The following ZNF184 variants were observed in gnomAD, a reference collection of about 807,000 sequenced individuals.
ZNF184 encodes zinc finger protein 184 (Kruppel-like).
A neutral mutation model predicts 54.4 loss-of-function variants in ZNF184; 16 were observed. The observed-to-expected ratio is 0.29, with a 90% confidence interval of 0.20 to 0.45. ZNF184 has a LOEUF of 0.45. ZNF184 is among the 20% of genes least tolerant of loss of function. The pLI is 1.00. For missense variants in ZNF184, 681 were observed against 888.2 expected (o/e 0.77, Z 2.97); for synonymous variants, 254 against 295.3 (o/e 0.86, Z 1.43).
At chr6:27,437,367 C>T in the ZNF184 span, among the ~76,000 whole-genome samples, 48 of 152,136 alleles carry the variant, frequency 3.2e-4, no homozygotes, top group Non-Finnish European at 5.6e-4. Flanking sequence ...TGAAAGGGGC[C>T]TTTAGAGCTG....
intron 3 of ZNF184, among the ~76,000 whole-genome samples, chr6:27,465,412 G>C (rs1376362139): frequency 6.8e-6 from 1 of 147,140 alleles, no homozygotes; most frequent in Non-Finnish European, 1.5e-5. Flanking sequence ...ATGAACCTGG[G>C]AGGCGGAGCT....
At chr6:27,460,546 C>A (rs1762969807) in intron 3 of ZNF184, among the ~76,000 whole-genome samples, 1 of 152,200 alleles carries the variant, frequency 6.6e-6, no homozygotes, top group African/African-American at 2.4e-5. Flanking sequence ...GAGGCACTGT[C>A]CAGACTGCAG....
intron 5 of ZNF184, among the ~76,000 whole-genome samples, chr6:27,454,502 T>C (rs1455018947): frequency 6.6e-6 from 1 of 152,116 alleles, no homozygotes; most frequent in African/African-American, 2.4e-5. Context: ...CCAAGGAAGG[T>C]ATGTTTGCAA....
the ZNF184 span, among the ~76,000 whole-genome samples, chr6:27,422,454 G>A: frequency 6.6e-6 from 1 of 151,518 alleles, no homozygotes; most frequent in African/African-American, 2.4e-5. Context: ...TTATCTTTCT[G>A]TAATCCATAT....
chr6:27,451,874 T>C lies in ZNF184; in HGVS notation c.1685A>G (p.Glu562Gly). Residue 562 changes from glutamate to glycine, a missense_variant, in exon 6 of 6, where the codon GAA becomes GGA. By Grantham distance (98) the Glu-to-Gly change is moderately conservative (BLOSUM62 -2). Transcript: ENST00000683788. Reference sequence around the variant, plus strand: ...ACCATAACTGAAGGTTTTCCCACATTCATGACACTGATAGGGTTTCTCTCC... The same window carrying C: ...ACCATAACTGAAGGTTTTCCCACATCCATGACACTGATAGGGTTTCTCTCC... ...HTGEKPYQCH[E>G]CGKTFSYGSS... 1 of 1,612,628 alleles carries C rather than the reference T, an allele frequency of 6.2e-7. No homozygotes were observed. Among genetic ancestry groups the C allele is most frequent in the Non-Finnish European group, 8.5e-7 (1 of 1,180,000 alleles).
At chr6:27,457,672 T>TTCATCGTCATCATTACCA (rs1484431931) in intron 3 of ZNF184, among the ~76,000 whole-genome samples, 2 of 152,198 alleles carry the variant, frequency 1.3e-5, no homozygotes, top group Non-Finnish European at 1.5e-5. Context: ...GTTGTTGTCC[T>TTCATCGTCATCATTACCA]TCATCGTCAT....
At chr6:27,414,584 G>C in the ZNF184 span, among the ~76,000 whole-genome samples, 1 of 151,826 alleles carries the variant, frequency 6.6e-6, no homozygotes, top group African/African-American at 2.4e-5. Context: ...TGCTTGCAGG[G>C]CTTTTGCTCA....
At chr6:27,470,955 T>C (rs896295869) in intron 2 of ZNF184, among the ~76,000 whole-genome samples, 2 of 152,074 alleles carry the variant, frequency 1.3e-5, no homozygotes. Context: ...GTACAAAAAA[T>C]TGAAGAAAAG....
the ZNF184 span, among the ~76,000 whole-genome samples, chr6:27,438,130 T>C: frequency 6.6e-6 from 1 of 152,328 alleles, no homozygotes; most frequent in East Asian, 1.9e-4. Context: ...ATTAAAATGT[T>C]ACCTTTACTG....
At chr6:27,449,912 C>T (rs139804530), downstream of ZNF184, among the ~76,000 whole-genome samples, 1 of 151,976 alleles carries the variant, frequency 6.6e-6, no homozygotes, top group Non-Finnish European at 1.5e-5. Flanking sequence ...AAATAACTTC[C>T]TCCCTCTGCT....
rs376364494 is a variant in ZNF184 at position 27,451,772 on chromosome 6, T to C, written c.1787A>G (p.Asn596Ser). 1.2e-6 allele frequency: 2 copies of C among 1,614,054 alleles called. No homozygotes were observed. Among genetic ancestry groups the C allele is most frequent in the Non-Finnish European group, 1.7e-6 (2 of 1,179,986 alleles). The stretch of plus-strand genomic sequence containing the variant: ...ATGCTGTGTAAGGTGTATGTTCTGG[T>C]TGAATGCTCTCCCACACTCATTACA... ...YKCNECGRAF[N>S]QNIHLTQHKR... The change falls in exon 6 of 6, where the codon AAC becomes AGC. Residue 596 changes from asparagine (N) to serine (S), a missense_variant. By Grantham distance (46) the Asn-to-Ser change is conservative. Coordinates refer to ENST00000683788, the MANE Select transcript of ZNF184 (RefSeq NM_001318891.2).
chr6:27,438,381 C>T, the ZNF184 span, among the ~76,000 whole-genome samples: 1 of 152,208 alleles, frequency 6.6e-6, no homozygotes, highest in South Asian at 2.1e-4. Flanking sequence ...AAAGGAAATA[C>T]TGGATTTGTT....
the ZNF184 span, among the ~76,000 whole-genome samples, chr6:27,442,800 AAGAGAAAGAAAG>A: frequency 2.4e-3 from 131 of 54,224 alleles, 17 homozygotes; most frequent in Admixed American, 4.2e-3. Context: ...GAAAGAAAGA[AAGAGAAAGAAAG>A]AGAAAGAAAG....
At chr6:27,413,628 T>C in the ZNF184 span, among the ~76,000 whole-genome samples, 1 of 152,332 alleles carries the variant, frequency 6.6e-6, no homozygotes, top group South Asian at 2.1e-4. Flanking sequence ...TGTAGTTTCA[T>C]TCCTACATAT....
the ZNF184 span, among the ~76,000 whole-genome samples, chr6:27,442,860 AAGAAAGAAAGAAAG>A: frequency 4.2e-5 from 3 of 70,618 alleles, no homozygotes; most frequent in African/African-American, 1.1e-4. Flanking sequence ...GAAAGAAAGA[AAGAAAGAAAGAAAG>A]AAAGAAAAAG....
chr6:27,426,372 C>T, the ZNF184 span, among the ~76,000 whole-genome samples: 1 of 152,196 alleles, frequency 6.6e-6, no homozygotes, highest in Non-Finnish European at 1.5e-5. The surrounding 1 kb of genome is among the most constrained non-coding windows in gnomAD (Gnocchi z 4.2). Flanking sequence ...CTTTTCTCCT[C>T]CCACTGGTGA....
intron 3 of ZNF184, among the ~76,000 whole-genome samples, chr6:27,463,297 A>C (rs1163612673): frequency 6.6e-6 from 1 of 151,636 alleles, no homozygotes; most frequent in Non-Finnish European, 1.5e-5. Context: ...AAAAAAAAAA[A>C]CTAAATGGAA....
chr6:27,469,816 C>A (rs1367555819), intron 2 of ZNF184, among the ~76,000 whole-genome samples: 1 of 151,880 alleles, frequency 6.6e-6, no homozygotes, highest in East Asian at 1.9e-4. Flanking sequence ...TGAATGTACA[C>A]CTGAAAAAAA....
At position 27,457,891 on chromosome 6, in the gene ZNF184, G is replaced by A. The variant is rs140900460; in HGVS notation, c.76-482C>T. Among the ~76,000 whole-genome samples, 69 of 152,126 alleles carry A rather than the reference G, an allele frequency of 4.5e-4. 1 individual carries two copies. Among genetic ancestry groups the A allele is most frequent in the African/African-American group, 1.6e-3 (65 of 41,492 alleles). ...GAATAAAACAAAATGAAATAAAATA[G>A]AAAATCCAGAAACAGATTCATATTT... is the stretch of plus-strand genomic sequence containing the variant. On this transcript the variant is annotated intron_variant, in intron 3 of 5. Transcript: ENST00000683788.
Sources: allele counts gnomAD v4.1 joint callset (sites outside exome capture counted in the v4.1 genomes callset), GRCh38; gene constraint gnomAD v4.1.1; non-coding constraint Gnocchi (gnomAD v3.1); transcripts MANE v1.5; gene names NCBI Gene and HGNC (gene_info 2026-07-23, HGNC 2026-07-21).